MORN1: variants seen among roughly 807,000 people sequenced by gnomAD.
The protein encoded by MORN1 is MORN repeat-containing protein 1.
In MORN1, 67 loss-of-function variants were observed where a neutral mutation model predicts 61.9. The observed-to-expected ratio is 1.08, with a 90% CI of 0.89 to 1.33. The LOEUF is 1.33. Among genes scored for constraint, MORN1 ranks in the 40% most tolerant of loss-of-function variants. The pLI is 0.00. For synonymous variants in MORN1, 301 were observed against 292.0 expected (o/e 1.03, Z -0.31); for missense variants, 752 against 691.2 (o/e 1.09, Z -0.99).
rs1012684424 is a variant in MORN1, at chr1:2,369,377, A to C, written c.745+3104T>G. 2.0e-5 allele frequency among the ~76,000 whole-genome samples: 3 copies of C among 147,174 alleles called. No homozygotes were observed. The East Asian group carries it at 6.1e-4, about 30-fold the overall frequency. ...TCAGAAAAAAAAAAAAAAAAAAAAG[A>C]AGACAGACAATAGCAAGTACTGAGG... is the stretch of plus-strand genomic sequence containing the variant. On this transcript the variant is annotated intron_variant, in intron 8 of 13. Coordinates refer to ENST00000378531, the MANE Select transcript of MORN1 (RefSeq NM_024848.3).
At chr1:2,352,913 G>C (rs1328751132) in intron 10 of MORN1, 1 of 152,846 alleles carries the variant, frequency 6.5e-6, no homozygotes, top group East Asian at 1.9e-4. Flanking sequence ...GGTGCCAGGC[G>C]GGCAGGTTTC....
chr1:2,323,429 CAGAG>C (rs1366216981), intron 13 of MORN1: 3 of 985,420 alleles, frequency 3.0e-6, no homozygotes, highest in Non-Finnish European at 3.6e-6. Context: ...GCCCAGGTGA[CAGAG>C]AGGCTCCATT....
intron 10 of MORN1, among the ~76,000 whole-genome samples, chr1:2,354,860 G>C (rs1460940834): frequency 6.6e-6 from 1 of 152,188 alleles, no homozygotes; most frequent in Non-Finnish European, 1.5e-5. Context: ...GGCAGAGCTC[G>C]GCACCCAACT....
intron 6 of MORN1, chr1:2,379,336 T>C (rs1175780794): frequency 2.8e-6 from 1 of 362,296 alleles, no homozygotes; most frequent in East Asian, 7.7e-5. Context: ...CATAAAATGA[T>C]CTCTAAAAAT....
chr1:2,366,419 T>C (rs1273609554), intron 8 of MORN1, among the ~76,000 whole-genome samples: 3 of 152,054 alleles, frequency 2.0e-5, no homozygotes, highest in African/African-American at 7.3e-5. Flanking sequence ...ATGGCACATG[T>C]ATACATATGT....
intron 10 of MORN1, among the ~76,000 whole-genome samples, chr1:2,353,776 G>A (rs1268051966): frequency 6.6e-6 from 1 of 152,224 alleles, no homozygotes; most frequent in African/African-American, 2.4e-5. Flanking sequence ...GCTGTCCCGG[G>A]GCAGGGAGGC....
chr1:2,323,398 G>C (rs373725736), intron 13 of MORN1: 2 of 985,442 alleles, frequency 2.0e-6, no homozygotes, highest in Non-Finnish European at 2.4e-6. Flanking sequence ...AGAGACACCA[G>C]ACGAAGGGTC....
At chr1:2,383,687 GT>G (rs1446994912) in intron 6 of MORN1, among the ~76,000 whole-genome samples, 4 of 151,756 alleles carry the variant, frequency 2.6e-5, no homozygotes, top group African/African-American at 4.8e-5. Context: ...TGCACGCGTG[GT>G]TCCTATCTGT....
Position 2,324,126 on chromosome 1 carries a change from G to A in MORN1, c.1268C>T (p.Thr423Met), listed in dbSNP as rs139632322. 1.1e-4 allele frequency: 173 copies of A among 1,600,854 alleles called. No homozygotes were observed. The highest frequency in any genetic ancestry group is 6.4e-4 in the African/African-American group (48 of 74,918). ...PGGSRPEGRA[T>M]EEQAAAAHLG... ...GTGTGCTGCCGCAGCCTGCTCCTCC[G>A]TGGCTCTCCCCTCAGGCCTGTGGAG... Residue 423 changes from threonine to methionine, a missense_variant, in exon 13 of 14, where the codon ACG becomes ATG. By Grantham distance (81) the Thr-to-Met change is moderately conservative. Transcript: ENST00000378531.
intron 10 of MORN1, among the ~76,000 whole-genome samples, chr1:2,348,061 G>C (rs1181621129): frequency 2.0e-5 from 3 of 152,128 alleles, no homozygotes; most frequent in Non-Finnish European, 2.9e-5. Context: ...GATGTCCCTC[G>C]CAGGAAGGAG....
chr1:2,360,244 G>C (rs1014369013), intron 8 of MORN1, among the ~76,000 whole-genome samples: 8 of 152,216 alleles, frequency 5.3e-5, no homozygotes, highest in Non-Finnish European at 5.9e-5. Context: ...GACACGATTG[G>C]GAAAGCAAAG....
At chr1:2,354,164 C>T (rs1208220792) in intron 10 of MORN1, among the ~76,000 whole-genome samples, 1 of 152,144 alleles carries the variant, frequency 6.6e-6, no homozygotes, top group Non-Finnish European at 1.5e-5. Flanking sequence ...AGGGTTAGTC[C>T]TGCTGGGTCC....
At chr1:2,325,376 C>T (rs1375712251) in intron 12 of MORN1, among the ~76,000 whole-genome samples, 1 of 150,664 alleles carries the variant, frequency 6.6e-6, no homozygotes, top group African/African-American at 2.4e-5. Context: ...GGCATAATCA[C>T]AGCTCACTGC....
In MORN1 at chr1:2,357,427, C is replaced by T. The variant is rs757528823; in HGVS notation, c.1036+5G>A. 1.4e-5 allele frequency: 22 copies of T among 1,595,238 alleles called. No individual in the cohort carries two copies. In the South Asian group the frequency reaches 2.1e-4, roughly 15 times the overall value. ...ACCCCCAACTGGTTTGTGAGCTCCA[C>T]TTACCAAGCAGGCCACCAGGGGTGT... On this transcript the variant is annotated splice_donor_5th_base_variant and intron_variant, in intron 10 of 13. Coordinates refer to ENST00000378531, the MANE Select transcript of MORN1 (RefSeq NM_024848.3). The surrounding 1 kb of genome is among the most constrained non-coding windows in gnomAD (Gnocchi z 6.3).
At chr1:2,368,289 G>A (rs965616301) in intron 8 of MORN1, among the ~76,000 whole-genome samples, 14 of 152,236 alleles carry the variant, frequency 9.2e-5, no homozygotes, top group Non-Finnish European at 1.6e-4. Flanking sequence ...GTATGGAAGC[G>A]GCAGGGCTAC....
chr1:2,323,431 G>A, intron 13 of MORN1: 3 of 985,428 alleles, frequency 3.0e-6, no homozygotes, highest in South Asian at 4.7e-5. Flanking sequence ...CCAGGTGACA[G>A]AGAGGCTCCA....
chr1:2,336,423 A>ACAGCTGAC, intron 12 of MORN1, 46 bp downstream of exon 12: 1 of 1,579,434 alleles, frequency 6.3e-7, no homozygotes, highest in Non-Finnish European at 8.7e-7. Context: ...TGAGGAGGCC[A>ACAGCTGAC]CAGCTGACCC....
At chr1:2,371,396 CAA>C (rs1642120154) in intron 8 of MORN1, 1 of 152,190 alleles carries the variant, frequency 6.6e-6, no homozygotes, top group Non-Finnish European at 1.5e-5. Context: ...AGAAGATAAA[CAA>C]ACAGCCAATC....
chr1:2,378,713 C>T, intron 6 of MORN1: 2 of 357,970 alleles, frequency 5.6e-6, no homozygotes, highest in South Asian at 2.1e-5. Flanking sequence ...GTGGCCTCTA[C>T]TCTGTCTGCT....
Sources: gnomAD v4.1 joint callset for allele counts (sites outside exome capture counted in the v4.1 genomes callset) on GRCh38, gnomAD v4.1.1 for gene constraint, Gnocchi (gnomAD v3.1) non-coding constraint, MANE v1.5 for transcripts, NCBI Gene and HGNC (gene_info 2026-07-23, HGNC 2026-07-21) for gene names.